PCCB: variants seen among roughly 807,000 people sequenced by gnomAD.
PCCB encodes the protein propionyl-CoA carboxylase beta chain, mitochondrial.
In PCCB, 43 loss-of-function variants were observed where a neutral mutation model predicts 60.7. That is an observed-to-expected ratio of 0.71 (90% CI 0.55 to 0.91). PCCB has a LOEUF of 0.91. PCCB is among the 40% of genes least tolerant of loss of function. The pLI is 0.00. For synonymous variants in PCCB, 276 were observed against 255.9 expected, an observed-to-expected ratio of 1.08 and a Z score of -0.75; for missense variants, 766 against 702.8, an observed-to-expected ratio of 1.09 and a Z score of -1.02.
intron 10 of PCCB, among the ~76,000 whole-genome samples, chr3:136,325,223 C>T (rs1935262080): frequency 6.6e-6 from 1 of 151,916 alleles, no homozygotes; most frequent in Non-Finnish European, 1.5e-5. Context: ...CAGAGTGTCA[C>T]TATGTTGCCC....
intron 9 of PCCB, among the ~76,000 whole-genome samples, chr3:136,316,614 C>T (rs1934905817): frequency 6.6e-6 from 1 of 152,150 alleles, no homozygotes; most frequent in South Asian, 2.1e-4. Context: ...CTGGGCCCGG[C>T]CTGACATTTT....
In PCCB at chr3:136,250,490, A is replaced by G. The variant is rs1208205672; in HGVS notation, c.115A>G (p.Ile39Val). The G allele has an allele frequency of 6.2e-7, 1 of 1,612,940 alleles. No individual in the cohort carries two copies. Among genetic ancestry groups the G allele is most frequent in the Admixed American group, 1.7e-5 (1 of 59,944 alleles). The part of the protein sequence containing the change: ...CSQATSVNER[I>V]ENKRRTALLG... ...CCAGGCCACCTCTGTTAACGAACGC[A>G]TCGAAAACAAGCGCCGGACCGCGCT... The change falls in exon 1 of 15, where the codon ATC becomes GTC. Residue 39 changes from isoleucine (I) to valine (V), a missense_variant. Ile to Val is a conservative substitution (Grantham distance 29). Coordinates refer to ENST00000251654, the MANE Select transcript of PCCB (RefSeq NM_000532.5).
chr3:136,287,432 GT>G (rs1274913987), intron 6 of PCCB, among the ~76,000 whole-genome samples: 4 of 150,434 alleles, frequency 2.7e-5, no homozygotes, highest in Non-Finnish European at 5.9e-5. Context: ...TGTGTTTGGT[GT>G]TTTTTGTTTT....
intron 9 of PCCB, among the ~76,000 whole-genome samples, chr3:136,310,161 C>A (rs560695727): frequency 2.0e-5 from 3 of 151,692 alleles, no homozygotes. Flanking sequence ...GTCGGGAGTT[C>A]GAGACCAGCC....
chr3:136,281,928 G>T (rs891765135), intron 5 of PCCB, among the ~76,000 whole-genome samples: 2 of 152,196 alleles, frequency 1.3e-5, no homozygotes, highest in African/African-American at 2.4e-5. Context: ...TTAAATGTCT[G>T]TCTCCCAGAA....
intron 3 of PCCB, among the ~76,000 whole-genome samples, chr3:136,258,324 A>G (rs1941730931): frequency 6.6e-6 from 1 of 152,290 alleles, no homozygotes; most frequent in South Asian, 2.1e-4. Context: ...TATAGGCAGA[A>G]TGGCACAGAA....
chr3:136,277,419 T>C (rs1161170611), intron 5 of PCCB, among the ~76,000 whole-genome samples: 1 of 152,128 alleles, frequency 6.6e-6, no homozygotes, highest in Admixed American at 6.5e-5. Flanking sequence ...TTCGAGCTTG[T>C]CCTGTGTTGC....
chr3:136,319,976 G>A (rs954577956), intron 10 of PCCB, among the ~76,000 whole-genome samples: 5 of 152,206 alleles, frequency 3.3e-5, no homozygotes, highest in Non-Finnish European at 5.9e-5. Context: ...TCATTGAACA[G>A]GTGTGGCGTG....
chr3:136,295,724 A>AATC (rs1933901431), intron 7 of PCCB, among the ~76,000 whole-genome samples: 1 of 152,266 alleles, frequency 6.6e-6, no homozygotes. Flanking sequence ...ATCCACAGAT[A>AATC]ATCACTAGTG....
At chr3:136,291,987 A>G (rs528201156) in intron 6 of PCCB, among the ~76,000 whole-genome samples, 4 of 152,284 alleles carry the variant, frequency 2.6e-5, no homozygotes, top group African/African-American at 9.6e-5. Context: ...GTTTTCCTAC[A>G]TCAGCCCTGG....
intron 8 of PCCB, among the ~76,000 whole-genome samples, chr3:136,300,671 G>C (rs1407718214): frequency 6.6e-6 from 1 of 152,058 alleles, no homozygotes; most frequent in Admixed American, 6.5e-5. Context: ...CAGGAAGTTG[G>C]GCTGGGCTCT....
chr3:136,282,063 T>C (rs1942489817), intron 5 of PCCB, among the ~76,000 whole-genome samples: 1 of 152,104 alleles, frequency 6.6e-6, no homozygotes, highest in Non-Finnish European at 1.5e-5. Flanking sequence ...AAAGCAGTGG[T>C]CAGTAATCAG....
chr3:136,260,637 A>G (rs1468559951), intron 4 of PCCB, 102 bp downstream of exon 4: 2 of 987,846 alleles, frequency 2.0e-6, no homozygotes, highest in Non-Finnish European at 3.2e-6. Context: ...TACTTGGGGT[A>G]GGGCAGAGGT....
In PCCB at chr3:136,250,509, C is replaced by G; in HGVS notation, c.134C>G (p.Thr45Ser). The change falls in exon 1 of 15, where the codon ACC (threonine) becomes AGC (serine). Residue 45 changes from threonine (T) to serine (S), a missense_variant. Thr to Ser is a moderately conservative substitution (Grantham distance 58, BLOSUM62 1). Coordinates refer to ENST00000251654, the MANE Select transcript of PCCB (RefSeq NM_000532.5). ...VNERIENKRR[T>S]ALLGGGQRRI... ...GAACGCATCGAAAACAAGCGCCGGA[C>G]CGCGCTGCTGGGAGGGGGCCAACGC... is the stretch of plus-strand genomic sequence containing the variant. The G allele has an allele frequency of 6.2e-7, 1 of 1,613,064 alleles. No homozygotes were observed. Among genetic ancestry groups the G allele is most frequent in the Non-Finnish European group, 8.5e-7 (1 of 1,179,750 alleles).
intron 3 of PCCB, chr3:136,259,250 T>G (rs7642585): frequency 2.3e-6 from 2 of 869,036 alleles, no homozygotes; most frequent in Non-Finnish European, 3.2e-6. Context: ...GTAGATCACT[T>G]GAGGCCAGGA....
At chr3:136,276,126 T>A (rs1560006865) in intron 5 of PCCB, among the ~76,000 whole-genome samples, 1 of 152,134 alleles carries the variant, frequency 6.6e-6, no homozygotes, top group East Asian at 1.9e-4. Flanking sequence ...TCCTATGGGG[T>A]TGAGATGGAA....
chr3:136,266,190 G>A (rs1297370185), intron 5 of PCCB, among the ~76,000 whole-genome samples: 1 of 148,384 alleles, frequency 6.7e-6, no homozygotes, highest in Non-Finnish European at 1.5e-5. Context: ...GTGCTATGGT[G>A]CAGTCTGGGC....
At chr3:136,325,837 G>T (rs896779558) in intron 10 of PCCB, among the ~76,000 whole-genome samples, 3 of 151,860 alleles carry the variant, frequency 2.0e-5, no homozygotes, top group Admixed American at 2.0e-4. Context: ...TTTTTGAGAT[G>T]GAGTGTTGCT....
intron 3 of PCCB, 112 bp downstream of exon 3, chr3:136,256,735 A>T: frequency 2.5e-6 from 2 of 790,858 alleles, no homozygotes. Context: ...TTTGGGGAAA[A>T]TGAGGGATTT....
Sources: allele counts gnomAD v4.1 joint callset (sites outside exome capture counted in the v4.1 genomes callset), GRCh38; gene constraint gnomAD v4.1.1; transcripts MANE v1.5; gene names NCBI Gene and HGNC (gene_info 2026-07-23, HGNC 2026-07-21).